The following PRIM2 variants were observed in gnomAD, a reference collection of about 807,000 sequenced individuals.
The protein encoded by PRIM2 is DNA primase large subunit.
A neutral mutation model predicts 67.3 loss-of-function variants in PRIM2; 39 were observed. That is an observed-to-expected ratio of 0.58 (90% CI 0.45 to 0.76). The LOEUF is 0.76. Among genes scored for constraint, PRIM2 ranks in the 30% least tolerant of loss-of-function variants. PRIM2 has a pLI of 0.00. For missense variants in PRIM2, 398 were observed against 598.7 expected (o/e 0.66, Z 3.50); for synonymous variants, 143 against 198.7 (o/e 0.72, Z 2.36).
chr6:57,272,962 T>C, the PRIM2 span, among the ~76,000 whole-genome samples: 1 of 152,246 alleles, frequency 6.6e-6, no homozygotes, highest in Non-Finnish European at 1.5e-5. Flanking sequence ...GCCCCTACTC[T>C]CTTCTGGCTT....
intron 9 of PRIM2, among the ~76,000 whole-genome samples, chr6:57,533,569 C>T (rs1262747022): frequency 7.9e-5 from 12 of 152,260 alleles, no homozygotes; most frequent in Admixed American, 1.3e-4. Context: ...CAAAGATGTC[C>T]CATCTTTTAA....
At chr6:57,235,549 G>A in the PRIM2 span, among the ~76,000 whole-genome samples, 1 of 152,172 alleles carries the variant, frequency 6.6e-6, no homozygotes, top group Non-Finnish European at 1.5e-5. Flanking sequence ...CAAACATAGT[G>A]TCACTTTAGC....
chr6:57,244,590 C>T, the PRIM2 span, among the ~76,000 whole-genome samples: 2 of 152,020 alleles, frequency 1.3e-5, no homozygotes, highest in Non-Finnish European at 2.9e-5. Flanking sequence ...GATTAAACCC[C>T]GTGTCCACTA....
chr6:57,342,638 A>G (rs1768531303), intron 5 of PRIM2, among the ~76,000 whole-genome samples: 2 of 152,244 alleles, frequency 1.3e-5, no homozygotes, highest in South Asian at 4.1e-4. Flanking sequence ...TCATTAGAGT[A>G]CTACAGAATG....
chr6:57,292,036 G>A, the PRIM2 span, among the ~76,000 whole-genome samples: 1 of 152,094 alleles, frequency 6.6e-6, no homozygotes, highest in East Asian at 1.9e-4. Context: ...TATTCAAATA[G>A]GAAAAGAGGA....
chr6:57,579,098 T>G, intron 10 of PRIM2, among the ~76,000 whole-genome samples: 1 of 151,648 alleles, frequency 6.6e-6, no homozygotes, highest in East Asian at 1.9e-4. Flanking sequence ...TAAATTCTCT[T>G]AAAAAAATAA....
At chr6:57,610,242 T>G (rs1776643258) in intron 12 of PRIM2, among the ~76,000 whole-genome samples, 1 of 152,168 alleles carries the variant, frequency 6.6e-6, no homozygotes, top group African/African-American at 2.4e-5. Flanking sequence ...CTAATTTTTG[T>G]ATTTTTGTAG....
chr6:57,413,432 CG>C (rs1378090169), intron 7 of PRIM2, among the ~76,000 whole-genome samples: 3 of 151,040 alleles, frequency 2.0e-5, no homozygotes, highest in African/African-American at 7.3e-5. Flanking sequence ...ATCCATTGAC[CG>C]AAATATGTAT....
At position 57,326,893 on chromosome 6, in the gene PRIM2, C is replaced by CTTT. The variant is rs70989764; in HGVS notation, c.459+872_459+874dup. Reference sequence around the variant, plus strand: ...TGAGTATTGGAAATAGAATTTGTATCTTTTTTTTTTTTTTTTTTTTTTTTT... The same window carrying CTTT: ...TGAGTATTGGAAATAGAATTTGTATCTTTTTTTTTTTTTTTTTTTTTTTTTTTT... On this transcript the variant is annotated intron_variant, in intron 5 of 13. Transcript: ENST00000615550. Among the ~76,000 whole-genome samples the CTTT allele has an allele frequency of 3.4e-4, 45 of 131,482 alleles. 2 individuals carry two copies. Among genetic ancestry groups the CTTT allele is most frequent in the African/African-American group, 1.2e-3 (41 of 33,708 alleles). The allele number at this position is 131,482 out of a possible 152,430, so 86.3% of individuals were successfully genotyped here. A position where few individuals can be genotyped will look rare whatever the true frequency, so the allele number is the denominator to read the frequency against.
At chr6:57,604,109 G>A (rs1776520203) in intron 11 of PRIM2, among the ~76,000 whole-genome samples, 1 of 152,034 alleles carries the variant, frequency 6.6e-6, no homozygotes, top group Admixed American at 6.6e-5. Context: ...GAGTTCAAGA[G>A]CAGCCTGGCC....
At chr6:57,563,287 A>C (rs1281024977) in intron 10 of PRIM2, among the ~76,000 whole-genome samples, 1 of 126,582 alleles carries the variant, frequency 7.9e-6, no homozygotes, top group Non-Finnish European at 1.8e-5. Flanking sequence ...AAGTCTACTG[A>C]ACATAATCTT....
chr6:57,338,278 T>A (rs1372199085), intron 5 of PRIM2, among the ~76,000 whole-genome samples: 1 of 152,012 alleles, frequency 6.6e-6, no homozygotes, highest in Non-Finnish European at 1.5e-5. Context: ...CTACCAGAGG[T>A]ACAAGGAGGA....
In PRIM2 at chr6:57,340,001, A is replaced by C. The variant is rs1298876527; in HGVS notation, c.459+13956A>C. Reference sequence around the variant, plus strand: ...CCAGAATCTACAATGAACTCAAACAAATTTATGAGGAAAAAAAAACAACCC... The same window carrying C: ...CCAGAATCTACAATGAACTCAAACACATTTATGAGGAAAAAAAAACAACCC... On this transcript the variant is annotated intron_variant, in intron 5 of 13. Transcript: ENST00000615550. Among the ~76,000 whole-genome samples the C allele has an allele frequency of 3.3e-5, 5 of 151,344 alleles. No individual in the cohort carries two copies. In the South Asian group the frequency reaches 8.4e-4, roughly 25 times the overall value.
intron 8 of PRIM2, among the ~76,000 whole-genome samples, chr6:57,519,560 G>A (rs1774568002): frequency 6.6e-6 from 1 of 152,194 alleles, no homozygotes; most frequent in Non-Finnish European, 1.5e-5. Context: ...AGAGTTTAAG[G>A]TTCTCTCTCT....
intron 7 of PRIM2, among the ~76,000 whole-genome samples, chr6:57,452,597 T>C (rs1772594889): frequency 6.6e-6 from 1 of 152,254 alleles, no homozygotes; most frequent in Non-Finnish European, 1.5e-5. Context: ...GAGAAGTGTC[T>C]GTTTATATCC....
At chr6:57,608,042 C>T (rs1281135787) in intron 12 of PRIM2, among the ~76,000 whole-genome samples, 3 of 151,596 alleles carry the variant, frequency 2.0e-5, no homozygotes, top group Non-Finnish European at 4.4e-5. Flanking sequence ...TACTTTAGAG[C>T]TTATTGTCAT....
At chr6:57,579,567 A>G (rs1169354448) in intron 10 of PRIM2, among the ~76,000 whole-genome samples, 5 of 151,974 alleles carry the variant, frequency 3.3e-5, no homozygotes, top group African/African-American at 1.2e-4. Context: ...TCCTTCAGCA[A>G]TTTAGTTTAA....
chr6:57,545,167 TA>T (rs1177496578), intron 10 of PRIM2, among the ~76,000 whole-genome samples: 3 of 152,096 alleles, frequency 2.0e-5, no homozygotes, highest in African/African-American at 7.2e-5. Context: ...TGTATTTTTC[TA>T]AATCAAAATA....
intron 7 of PRIM2, among the ~76,000 whole-genome samples, chr6:57,464,760 C>T (rs1202893590): frequency 2.6e-5 from 4 of 152,198 alleles, no homozygotes; most frequent in African/African-American, 9.7e-5. Context: ...GTGCCAGGCA[C>T]TATTCTCCTC....
Sources: gnomAD v4.1 joint callset for allele counts (sites outside exome capture counted in the v4.1 genomes callset) on GRCh38, gnomAD v4.1.1 for gene constraint, MANE v1.5 for transcripts, NCBI Gene and HGNC (gene_info 2026-07-23, HGNC 2026-07-21) for gene names.